The following TENM4 variants were observed in gnomAD, a reference collection of about 807,000 sequenced individuals.
TENM4 encodes the protein teneurin-4.
A neutral mutation model predicts 243.3 loss-of-function variants in TENM4; 82 were observed. The observed-to-expected ratio is 0.34, with a 90% CI of 0.28 to 0.40. The LOEUF (loss-of-function observed/expected upper bound fraction) is 0.40. Ranked by LOEUF, TENM4 falls within the 10% of genes least tolerant of loss-of-function variation. The pLI is 1.00. For synonymous variants in TENM4, 1,412 were observed against 1,456.3 expected, an observed-to-expected ratio of 0.97 and a Z score of 0.69; for missense variants, 3,138 against 3,673.3, an observed-to-expected ratio of 0.85 and a Z score of 3.77.
At chr11:79,272,460 T>C (rs183858451) in intron 2 of TENM4, among the ~76,000 whole-genome samples, 351 of 152,334 alleles carry the variant, frequency 2.3e-3, no homozygotes, top group South Asian at 7.9e-3. Flanking sequence ...AAAGCACTCA[T>C]GGGACATTTT....
chr11:78,801,680 T>C (rs1857285480), intron 15 of TENM4, among the ~76,000 whole-genome samples: 1 of 152,168 alleles, frequency 6.6e-6, no homozygotes, highest in Non-Finnish European at 1.5e-5. Context: ...TCTCAGGGAA[T>C]AGACAGTGTT....
chr11:79,400,127 A>ACACC (rs1858429360), intron 1 of TENM4, among the ~76,000 whole-genome samples: 1 of 151,132 alleles, frequency 6.6e-6, no homozygotes, highest in African/African-American at 2.4e-5. Context: ...ACACACACAC[A>ACACC]CACACACACA....
intron 2 of TENM4, among the ~76,000 whole-genome samples, chr11:79,223,342 A>G (rs928806327): frequency 6.6e-6 from 1 of 152,132 alleles, no homozygotes; most frequent in Non-Finnish European, 1.5e-5. Context: ...ATTTTCTGAA[A>G]CTTGCTTTTA....
chr11:79,080,338 T>C (rs534929945), intron 4 of TENM4, among the ~76,000 whole-genome samples: 3 of 152,318 alleles, frequency 2.0e-5, no homozygotes, highest in Non-Finnish European at 4.4e-5. Context: ...CAAACACGTC[T>C]ACAGGTGATT....
chr11:78,697,441 T>C (rs1029333391), intron 28 of TENM4, among the ~76,000 whole-genome samples: 2 of 152,206 alleles, frequency 1.3e-5, no homozygotes, highest in African/African-American at 4.8e-5. Context: ...TGATGCACTT[T>C]CCAGCTTTCC....
rs181981274 is a variant in TENM4 at position 79,168,896 on chromosome 11, C to A, written c.-162-20090G>T. Among the ~76,000 whole-genome samples, 239 of 152,324 alleles carry A rather than the reference C, an allele frequency of 1.6e-3. 1 individual carries two copies. The highest frequency in any genetic ancestry group is 0.014 in the Middle Eastern group (4 of 294). ...AACTTTGCTCAGCTGCCCAGGTGAA[C>A]AAGCCCAGGCTAGTTTACTGGATGA... On this transcript the variant is annotated intron_variant, in intron 3 of 33. Transcript: ENST00000278550.
At chr11:78,802,678 G>C (rs897697836) in intron 15 of TENM4, among the ~76,000 whole-genome samples, 11 of 152,226 alleles carry the variant, frequency 7.2e-5, no homozygotes, top group African/African-American at 2.7e-4. Flanking sequence ...GGGCAATACC[G>C]TACCTGTCAT....
intron 6 of TENM4, among the ~76,000 whole-genome samples, chr11:78,932,876 G>T (rs1276298430): frequency 1.3e-5 from 2 of 152,192 alleles, no homozygotes; most frequent in African/African-American, 2.4e-5. Context: ...AGCTCAGGTG[G>T]TAATGCCTCC....
At chr11:78,764,525 C>T (rs1397111159) in intron 18 of TENM4, among the ~76,000 whole-genome samples, 1 of 152,218 alleles carries the variant, frequency 6.6e-6, no homozygotes, top group Non-Finnish European at 1.5e-5. Context: ...TGAATAAATG[C>T]ATGCATTTTT....
At chr11:78,727,607 A>G (rs1855546564) in intron 22 of TENM4, among the ~76,000 whole-genome samples, 1 of 152,162 alleles carries the variant, frequency 6.6e-6, no homozygotes, top group African/African-American at 2.4e-5. Flanking sequence ...TATATAGAAA[A>G]GGAACTTAGT....
At chr11:79,014,978 C>T (rs1186388148) in intron 6 of TENM4, among the ~76,000 whole-genome samples, 1 of 152,184 alleles carries the variant, frequency 6.6e-6, no homozygotes, top group South Asian at 2.1e-4. Flanking sequence ...AATTTGGGAG[C>T]CCCTTTAGGA....
chr11:78,669,615 G>A lies in TENM4; in HGVS notation c.6730C>T (p.Arg2244Cys), dbSNP rs777521844. The A allele has an allele frequency of 8.1e-6, 13 of 1,613,804 alleles. No individual in the cohort carries two copies. Among genetic ancestry groups the A allele is most frequent in the Admixed American group, 6.7e-5 (4 of 59,998 alleles). Residue 2244 changes from arginine to cysteine, a missense_variant, in exon 32 of 34, where the codon CGC (arginine) becomes TGC (cysteine). Around this residue, in one of 2 missense-constraint regions of TENM4, gnomAD observed 2,467 missense variants for 3,059.1 expected, o/e 0.81. Transcript: ENST00000278550. The surrounding 1 kb of genome is among the most constrained non-coding windows in gnomAD (Gnocchi z 6.4). ...TGCACGTCACCCAGCCGAGTGATGCGGTCGCGGATGTCATACCGTAGTGGT... is the reference window on the plus strand; with the variant it reads ...TGCACGTCACCCAGCCGAGTGATGCAGTCGCGGATGTCATACCGTAGTGGT... ...LTPLRYDIRDRITRLGDVQYK... is the reference protein window; with the variant it reads ...LTPLRYDIRDCITRLGDVQYK...
At chr11:78,819,878 T>C (rs1036494112) in intron 12 of TENM4, among the ~76,000 whole-genome samples, 1 of 152,170 alleles carries the variant, frequency 6.6e-6, no homozygotes, top group Non-Finnish European at 1.5e-5. Flanking sequence ...TACCAAGGTA[T>C]ACCCATTGCC....
chr11:79,187,798 T>G (rs1377065084), intron 3 of TENM4, among the ~76,000 whole-genome samples: 8 of 152,310 alleles, frequency 5.3e-5, no homozygotes, highest in African/African-American at 1.7e-4. Context: ...AAAGACCATG[T>G]GAGGACATGG....
chr11:79,395,346 C>A (rs1251028073), intron 1 of TENM4, among the ~76,000 whole-genome samples: 2 of 152,168 alleles, frequency 1.3e-5, no homozygotes, highest in Non-Finnish European at 2.9e-5. Context: ...TACTATATTC[C>A]AGGGCCAGGC....
chr11:78,947,617 G>T (rs756584230), intron 6 of TENM4, among the ~76,000 whole-genome samples: 16 of 152,218 alleles, frequency 1.1e-4, no homozygotes, highest in Admixed American at 6.5e-4. Flanking sequence ...GAGAGAGTGC[G>T]GGGGCAAGGC....
chr11:78,973,370 T>G (rs375147869), intron 6 of TENM4, among the ~76,000 whole-genome samples: 1 of 152,364 alleles, frequency 6.6e-6, no homozygotes, highest in Middle Eastern at 3.4e-3. Context: ...CCAGCCACTA[T>G]AGTGGGTATG....
chr11:79,108,625 C>A lies in TENM4; in HGVS notation c.-65-38616G>T, dbSNP rs143275321. Among the ~76,000 whole-genome samples the A allele has an allele frequency of 2.0e-4, 30 of 152,164 alleles. No homozygotes were observed. In the Middle Eastern group the frequency reaches 0.014, roughly 69 times the overall value. On this transcript the variant is annotated intron_variant, in intron 4 of 33. Transcript: ENST00000278550. ...AACCAACTCACCAAAATTAGCATCA[C>A]CGATGAGCATAATGTACCTCCAGAT...
intron 27 of TENM4, among the ~76,000 whole-genome samples, chr11:78,704,046 C>T (rs1363307608): frequency 4.1e-5 from 6 of 146,856 alleles, no homozygotes; most frequent in East Asian, 3.9e-4. Context: ...CACACACACA[C>T]ACACACACAC....
Sources: gnomAD v4.1 joint callset for allele counts (sites outside exome capture counted in the v4.1 genomes callset) on GRCh38, gnomAD v4.1.1 for gene constraint, gnomAD v4.1.1 regional missense constraint, Gnocchi (gnomAD v3.1) non-coding constraint, MANE v1.5 for transcripts, NCBI Gene and HGNC (gene_info 2026-07-23, HGNC 2026-07-21) for gene names.